IL1RAPL2: variants seen among roughly 807,000 people sequenced by gnomAD.
The protein encoded by IL1RAPL2 is X-linked interleukin-1 receptor accessory protein-like 2.
IL1RAPL2 carries 3 observed loss-of-function variants against 44.1 expected under a neutral mutation model. The observed-to-expected ratio is 0.07, with a 90% CI of 0.03 to 0.18. The LOEUF is 0.18. Ranked by LOEUF, IL1RAPL2 falls within the 10% of genes least tolerant of loss-of-function variation. The pLI is 1.00. For synonymous variants in IL1RAPL2, 181 were observed against 178.8 expected (o/e 1.01, Z -0.10); for missense variants, 391 against 496.4 (o/e 0.79, Z 2.02).
chrX:104,927,777 C>T (rs984505114), intron 2 of IL1RAPL2, among the ~76,000 whole-genome samples: 1 of 111,721 alleles, frequency 9.0e-6, no homozygotes, highest in Non-Finnish European at 1.9e-5. Context: ...GAATACAATG[C>T]ATTTTGATCA....
intron 2 of IL1RAPL2, among the ~76,000 whole-genome samples, chrX:105,091,562 T>A (rs1380747604): frequency 2.3e-4 from 26 of 111,622 alleles, no homozygotes. Flanking sequence ...CCCTACCAGA[T>A]GTACATGTAG....
chrX:105,544,650 T>G (rs2036775567), intron 6 of IL1RAPL2, among the ~76,000 whole-genome samples: 1 of 112,025 alleles, frequency 8.9e-6, no homozygotes, highest in African/African-American at 3.2e-5. Context: ...AAAAACCTAA[T>G]ATGATAATAT....
At chrX:104,613,336 C>T (rs1929203678) in intron 1 of IL1RAPL2, among the ~76,000 whole-genome samples, 1 of 111,067 alleles carries the variant, frequency 9.0e-6, no homozygotes, top group African/African-American at 3.3e-5. Context: ...GAGGTATGTT[C>T]CTTTGGTGCC....
At chrX:105,056,994 G>T (rs769602580) in intron 2 of IL1RAPL2, among the ~76,000 whole-genome samples, 40 of 111,478 alleles carry the variant, frequency 3.6e-4, no homozygotes, top group Admixed American at 1.2e-3. Flanking sequence ...ATATTGATGT[G>T]CATGGTGATG....
intron 2 of IL1RAPL2, among the ~76,000 whole-genome samples, chrX:105,168,017 A>G (rs113178460): frequency 3.6e-5 from 4 of 111,452 alleles, no homozygotes; most frequent in African/African-American, 1.3e-4. Flanking sequence ...AAACATCGGT[A>G]TATCTGATTC....
At chrX:104,950,529 C>G (rs754561069) in intron 2 of IL1RAPL2, among the ~76,000 whole-genome samples, 9 of 112,370 alleles carry the variant, frequency 8.0e-5, no homozygotes, top group Non-Finnish European at 1.5e-4. Context: ...GCTTTGTTTA[C>G]CTAAGCAAGC....
chrX:105,326,376 G>A lies in IL1RAPL2; in HGVS notation c.697+58835G>A, dbSNP rs374024584. ...TTGGCCTGTCTTCTTTTTTTTTAAT[G>A]GTAACTTTCGAAGCACAACAATTTT... On this transcript the variant is annotated intron_variant, in intron 5 of 10. Transcript: ENST00000372582. Among the ~76,000 whole-genome samples, 3 of 110,810 alleles carry A rather than the reference G, an allele frequency of 2.7e-5. No individual in the cohort carries two copies. In the East Asian group the frequency reaches 8.6e-4, roughly 32 times the overall value.
chrX:105,760,603 CCA>C (rs2038678652), intron 10 of IL1RAPL2, among the ~76,000 whole-genome samples: 1 of 112,118 alleles, frequency 8.9e-6, no homozygotes, highest in East Asian at 2.8e-4. Context: ...CCCCACTCAC[CCA>C]CAGGTGAAAT....
intron 2 of IL1RAPL2, among the ~76,000 whole-genome samples, chrX:105,108,658 G>A (rs1382547969): frequency 1.0e-5 from 1 of 98,502 alleles, no homozygotes; most frequent in African/African-American, 3.4e-5. Flanking sequence ...GTCATTTTTT[G>A]CACCAAAATA....
chrX:105,249,991 G>A (rs1375925398), intron 4 of IL1RAPL2, among the ~76,000 whole-genome samples: 2 of 110,698 alleles, frequency 1.8e-5, no homozygotes, highest in Non-Finnish European at 3.8e-5. Flanking sequence ...AACAAACTGT[G>A]GTACATTCAT....
intron 2 of IL1RAPL2, among the ~76,000 whole-genome samples, chrX:104,702,019 C>T (rs1338500341): frequency 9.0e-6 from 1 of 111,320 alleles, no homozygotes; most frequent in Admixed American, 9.6e-5. Flanking sequence ...TATTTACTCT[C>T]ATCTTATTCT....
rs190942133 is a variant in IL1RAPL2, at chrX:104,870,914, G to A, written c.82+211919G>A. Among the ~76,000 whole-genome samples the A allele has an allele frequency of 1.2e-3, 133 of 110,820 alleles. 1 individual carries two copies. Among genetic ancestry groups the A allele is most frequent in the African/African-American group, 4.2e-3 (129 of 30,582 alleles). Reference sequence around the variant, plus strand: ...TCTGTCTGTCACTTATCTCTTATTGGTAAGTGACACCAGGGTCCTGAGTTC... The same window carrying A: ...TCTGTCTGTCACTTATCTCTTATTGATAAGTGACACCAGGGTCCTGAGTTC... On this transcript the variant is annotated intron_variant, in intron 2 of 10. Transcript: ENST00000372582.
intron 2 of IL1RAPL2, among the ~76,000 whole-genome samples, chrX:104,925,671 CAAT>C (rs1358017541): frequency 1.8e-5 from 2 of 111,681 alleles, no homozygotes; most frequent in Admixed American, 9.5e-5. Context: ...TAAAAACTCT[CAAT>C]AAACTAGGTA....
chrX:105,411,772 G>A (rs1268100570), intron 5 of IL1RAPL2, among the ~76,000 whole-genome samples: 4 of 111,526 alleles, frequency 3.6e-5, no homozygotes, highest in South Asian at 3.7e-4. Context: ...ACAAAGAAAC[G>A]TTGAACTTAA....
At chrX:104,576,757 C>A (rs1198457724) in intron 1 of IL1RAPL2, among the ~76,000 whole-genome samples, 1 of 111,761 alleles carries the variant, frequency 8.9e-6, no homozygotes, top group Non-Finnish European at 1.9e-5. Flanking sequence ...ATTCTAGACT[C>A]ATTATCTTGT....
intron 5 of IL1RAPL2, among the ~76,000 whole-genome samples, chrX:105,452,993 T>G (rs988783968): frequency 8.9e-6 from 1 of 112,440 alleles, no homozygotes; most frequent in African/African-American, 3.2e-5. Flanking sequence ...GTGGTGCACA[T>G]TCACTATAAA....
intron 5 of IL1RAPL2, among the ~76,000 whole-genome samples, chrX:105,291,230 T>C (rs1033519908): frequency 1.8e-5 from 2 of 111,956 alleles, no homozygotes; most frequent in African/African-American, 3.2e-5. Context: ...ATATTAGAGA[T>C]ATATCTTTTT....
intron 1 of IL1RAPL2, among the ~76,000 whole-genome samples, chrX:104,587,442 A>C (rs183103036): frequency 1.9e-3 from 213 of 111,343 alleles, no homozygotes; most frequent in African/African-American, 6.7e-3. Context: ...CTCAAACTTT[A>C]ATGTATATTG....
chrX:104,707,104 C>T (rs770817297), intron 2 of IL1RAPL2, among the ~76,000 whole-genome samples: 8 of 111,318 alleles, frequency 7.2e-5, no homozygotes, highest in Non-Finnish European at 1.5e-4. Flanking sequence ...GGGCATGACA[C>T]ACTGGCTACA....
Sources: allele counts gnomAD v4.1 joint callset (sites outside exome capture counted in the v4.1 genomes callset), GRCh38; gene constraint gnomAD v4.1.1; transcripts MANE v1.5; gene names NCBI Gene and HGNC (gene_info 2026-07-23, HGNC 2026-07-21).